Variants in TUBB3 observed in about 807,000 individuals in gnomAD.
TUBB3 encodes the protein tubulin beta-3 chain.
A neutral mutation model predicts 37.8 loss-of-function variants in TUBB3; 17 were observed. The ratio of observed to expected loss-of-function variants is 0.45; its 90% confidence interval spans 0.31 to 0.67. The LOEUF (loss-of-function observed/expected upper bound fraction) is 0.67, where lower values mean the gene tolerates loss of function less well. Ranked by LOEUF, TUBB3 falls within the 30% of genes least tolerant of loss-of-function variation. TUBB3 has a pLI of 0.07. For missense variants in TUBB3, 262 were observed against 657.9 expected (o/e 0.40, Z 6.58); for synonymous variants, 332 against 278.9 (o/e 1.19, Z -1.90).
Position 89,935,252 on chromosome 16 carries a change from G to A in TUBB3, c.801G>A (p.Met267Ile). Residue 267 changes from methionine to isoleucine, a missense_variant, in exon 4 of 4, where the codon ATG becomes ATA. By Grantham distance (10) the Met-to-Ile change is conservative. Coordinates refer to ENST00000315491, the MANE Select transcript of TUBB3 (RefSeq NM_006086.4). The part of the protein sequence containing the change: ...MVPFPRLHFF[M>I]PGFAPLTARG... The stretch of plus-strand genomic sequence containing the variant: ...CCTTCCCGCGCCTGCACTTCTTCAT[G>A]CCCGGCTTCGCCCCCCTCACAGCCC... 2 of 1,613,680 alleles carry A rather than the reference G, an allele frequency of 1.2e-6. No homozygotes were observed. Among genetic ancestry groups the A allele is most frequent in the Non-Finnish European group, 1.7e-6 (2 of 1,179,966 alleles).
intron 2 of TUBB3, chr16:89,933,008 G>T: frequency 2.0e-6 from 1 of 493,696 alleles, no homozygotes; most frequent in Non-Finnish European, 3.7e-6. Context: ...GGAGGGCTTA[G>T]TCAGGGGCTC....
Position 89,932,328 on chromosome 16 carries a change from T to G in TUBB3, c.58-243T>G, listed in dbSNP as rs192950674. ...GGGCCTGGGGACCTGGGTGTGGGTC[T>G]GTTGAACCTTGGCCCACCCTGGGGC... On this transcript the variant is annotated intron_variant, in intron 1 of 3. Transcript: ENST00000315491. Among the ~76,000 whole-genome samples, 1,075 of 152,368 alleles carry G rather than the reference T, an allele frequency of 7.1e-3. 3 individuals carry two copies. Among genetic ancestry groups the G allele is most frequent in the Non-Finnish European group, 0.011 (721 of 68,030 alleles).
At chr16:89,923,691 C>A (rs1459142497) in intron 1 of TUBB3, among the ~76,000 whole-genome samples, 1 of 152,206 alleles carries the variant, frequency 6.6e-6, no homozygotes, top group Non-Finnish European at 1.5e-5. Flanking sequence ...TCACGTCAGT[C>A]GCGAAGCCTC....
At position 89,934,143 on chromosome 16, in the gene TUBB3, C is replaced by T. The variant is rs933500481; in HGVS notation, c.277+565C>T. 4.2e-5 allele frequency: 14 copies of T among 333,670 alleles called. No homozygotes were observed. In the East Asian group the frequency reaches 5.7e-4, roughly 13 times the overall value. 20.7% of individuals were successfully genotyped at this position (333,670 alleles called of 1,614,324 possible). A position where few individuals can be genotyped will look rare whatever the true frequency, so the allele number is the denominator to read the frequency against. ...ACGTTCCCACGCCTGTGTCCTGGGG[C>T]GGGGCCGTGGATGCCACGTTCCCAT... is the stretch of plus-strand genomic sequence containing the variant. On this transcript the variant is annotated intron_variant, in intron 3 of 3. Coordinates refer to ENST00000315491, the MANE Select transcript of TUBB3 (RefSeq NM_006086.4).
chr16:89,928,377 G>A (rs2030160385), intron 1 of TUBB3, among the ~76,000 whole-genome samples: 1 of 151,074 alleles, frequency 6.6e-6, no homozygotes, highest in African/African-American at 2.4e-5. Flanking sequence ...TTGTTTGTTT[G>A]AGATGGAGTC....
chr16:89,933,392 C>G, intron 2 of TUBB3, 76 bp from the exon 3 acceptor site: 1 of 1,206,538 alleles, frequency 8.3e-7, no homozygotes, highest in African/African-American at 1.5e-5. Context: ...GGCAGGCGGG[C>G]ACAGAATTCA....
chr16:89,928,897 C>T (rs993961018), intron 1 of TUBB3, among the ~76,000 whole-genome samples: 21 of 151,556 alleles, frequency 1.4e-4, no homozygotes, highest in Non-Finnish European at 2.2e-4. Context: ...CTACTGACCT[C>T]GTGATCCACC....
chr16:89,931,328 C>T (rs1433190066), intron 1 of TUBB3, among the ~76,000 whole-genome samples: 1 of 152,206 alleles, frequency 6.6e-6, no homozygotes, highest in Non-Finnish European at 1.5e-5. Flanking sequence ...CATGTAGAGC[C>T]CCTTGTTTCT....
At chr16:89,931,481 C>T (rs564837144) in intron 1 of TUBB3, among the ~76,000 whole-genome samples, 17 of 152,246 alleles carry the variant, frequency 1.1e-4, no homozygotes, top group African/African-American at 3.6e-4. Flanking sequence ...TGCTCCCAGA[C>T]GCAGCGGCCT....
At chr16:89,933,238 T>G (rs1371611736) in intron 2 of TUBB3, 1 of 694,618 alleles carries the variant, frequency 1.4e-6, no homozygotes, top group East Asian at 2.7e-5. Flanking sequence ...GACGTCTGAC[T>G]GAATCCTGCC....
At chr16:89,932,530 A>T (rs769370114) in intron 1 of TUBB3, 41 bp from the exon 2 acceptor site, 1 of 1,554,222 alleles carries the variant, frequency 6.4e-7, no homozygotes, top group Admixed American at 1.7e-5. Context: ...GGCTGGGGCT[A>T]TGGGCCGGTG....
At chr16:89,930,873 G>A (rs1272597658) in intron 1 of TUBB3, among the ~76,000 whole-genome samples, 1 of 151,218 alleles carries the variant, frequency 6.6e-6, no homozygotes, top group Non-Finnish European at 1.5e-5. Flanking sequence ...TGTCGCCCAG[G>A]CTGGAGTGCA....
intron 1 of TUBB3, among the ~76,000 whole-genome samples, chr16:89,928,401 C>T (rs1250841832): frequency 6.6e-6 from 1 of 151,984 alleles, no homozygotes; most frequent in Non-Finnish European, 1.5e-5. Context: ...CTCTGTCACT[C>T]AGGCTGGAGT....
Position 89,932,647 on chromosome 16 carries a change from A to C in TUBB3, c.134A>C (p.Glu45Ala). 1 of 1,614,066 alleles carries C rather than the reference A, an allele frequency of 6.2e-7. No homozygotes were observed. The highest frequency in any genetic ancestry group is 8.5e-7 in the Non-Finnish European group (1 of 1,180,008). ...GTGGGCGACTCGGACTTGCAGCTGG[A>C]GCGGATCAGCGTCTACTACAACGAG... is the stretch of plus-strand genomic sequence containing the variant. ...NYVGDSDLQL[E>A]RISVYYNEAS... The change falls in exon 2 of 4, where the codon GAG becomes GCG. Residue 45 changes from glutamate to alanine, a missense_variant. Physicochemically the swap from Glu to Ala is moderately radical, Grantham distance 107. This residue lies in a region of TUBB3 where 58 missense variants were observed against 74.2 expected (regional missense o/e 0.78). Coordinates refer to ENST00000315491, the MANE Select transcript of TUBB3 (RefSeq NM_006086.4).
intron 1 of TUBB3, among the ~76,000 whole-genome samples, chr16:89,927,922 G>A (rs1398824400): frequency 6.6e-6 from 1 of 152,196 alleles, no homozygotes; most frequent in Non-Finnish European, 1.5e-5. Flanking sequence ...CATAAATTTG[G>A]GGTGTCCCAG....
upstream of TUBB3, chr16:89,923,224 G>C (rs2029946815): frequency 3.7e-6 from 1 of 269,126 alleles, no homozygotes; most frequent in East Asian, 8.0e-5. Context: ...GCGGTGCGGA[G>C]CCTGCGGGCC....
At chr16:89,922,234 A>G, upstream of TUBB3, 1 of 152,594 alleles carries the variant, frequency 6.6e-6, no homozygotes. Context: ...GACCGGACAC[A>G]GGCGTCCACA....
upstream of TUBB3, chr16:89,923,293 C>T: frequency 5.3e-6 from 5 of 936,016 alleles, no homozygotes; most frequent in Non-Finnish European, 7.0e-6. Context: ...TCAGCCGATG[C>T]GAAGGGCGGG....
chr16:89,928,194 A>G (rs1258211746), intron 1 of TUBB3, among the ~76,000 whole-genome samples: 1 of 151,984 alleles, frequency 6.6e-6, no homozygotes, highest in Non-Finnish European at 1.5e-5. Context: ...AGCTGGGGCT[A>G]TAGGCATGCG....
Sources: gnomAD v4.1 joint callset for allele counts (sites outside exome capture counted in the v4.1 genomes callset) on GRCh38, gnomAD v4.1.1 for gene constraint, gnomAD v4.1.1 regional missense constraint, MANE v1.5 for transcripts, NCBI Gene and HGNC (gene_info 2026-07-23, HGNC 2026-07-21) for gene names.